The following ODR4 variants were observed in gnomAD, a reference collection of about 807,000 sequenced individuals.
ODR4 encodes the protein odr-4 GPCR localization factor homolog, also known as protein odr-4 homolog.
In ODR4, 47 loss-of-function variants were observed where a neutral mutation model predicts 60.2. That is an observed-to-expected ratio of 0.78 (90% CI 0.62 to 1.00). The LOEUF is 1.00. ODR4 is among the 50% of genes least tolerant of loss of function. The pLI is 0.00. For synonymous variants in ODR4, 178 were observed against 175.5 expected, an observed-to-expected ratio of 1.01 and a Z score of -0.11; for missense variants, 488 against 530.8, an observed-to-expected ratio of 0.92 and a Z score of 0.79.
intron 12 of ODR4, among the ~76,000 whole-genome samples, chr1:186,414,767 G>T (rs1462775359): frequency 2.0e-5 from 3 of 152,004 alleles, no homozygotes; most frequent in Non-Finnish European, 2.9e-5. Context: ...TGACCTGCCC[G>T]CCTCGGCCTC....
At chr1:186,392,789 G>C (rs1165715016) in intron 8 of ODR4, among the ~76,000 whole-genome samples, 1 of 152,152 alleles carries the variant, frequency 6.6e-6, no homozygotes, top group Non-Finnish European at 1.5e-5. Context: ...GATCACTTGA[G>C]GTCAGGAGTT....
intron 2 of ODR4, among the ~76,000 whole-genome samples, chr1:186,381,183 AG>A (rs1441346397): frequency 2.0e-5 from 3 of 152,240 alleles, no homozygotes; most frequent in Admixed American, 6.5e-5. Context: ...AGAGAAGAAG[AG>A]TCTTAGAGAA....
rs1315532652 is a variant in ODR4 at position 186,420,685 on chromosome 1, T to C, written c.*1609T>C. On this transcript the variant is annotated 3_prime_UTR_variant, in exon 14 of 14. Coordinates refer to ENST00000287859, the MANE Select transcript of ODR4 (RefSeq NM_017847.6). ...CTGAAGAGACAAGTGAACTAAACTA[T>C]AAGCTGGATCTAAAGAAATTACCCA... The C allele has an allele frequency of 6.6e-6, 1 of 152,060 alleles. No individual in the cohort carries two copies. Among genetic ancestry groups the C allele is most frequent in the Non-Finnish European group, 1.5e-5 (1 of 68,018 alleles). 9.4% of individuals were successfully genotyped at this position (152,060 alleles called of 1,614,324 possible).
rs146996047 is a variant in ODR4, at chr1:186,389,544, C to A, written c.438-44C>A. 6,279 of 1,412,548 alleles carry A rather than the reference C, an allele frequency of 4.4e-3. 74 individuals are homozygous for A. Among genetic ancestry groups the A allele is most frequent in the South Asian group, 0.031 (2,496 of 79,488 alleles). 87.5% of individuals were successfully genotyped at this position (1,412,548 alleles called of 1,614,324 possible). A position where few individuals can be genotyped will look rare whatever the true frequency, so the allele number is the denominator to read the frequency against. ...TTGATAGTTTATATTCTTTTAGTTACCAATAATGCCTTTTTTGGTTATTTC... is the reference window on the plus strand; with the variant it reads ...TTGATAGTTTATATTCTTTTAGTTAACAATAATGCCTTTTTTGGTTATTTC... On this transcript the variant is annotated intron_variant, in intron 5 of 13. Transcript: ENST00000287859.
chr1:186,397,904 CTTTGTA>C (rs1270191995), intron 9 of ODR4, among the ~76,000 whole-genome samples: 2 of 152,134 alleles, frequency 1.3e-5, no homozygotes, highest in African/African-American at 2.4e-5. Context: ...TCACATCCCA[CTTTGTA>C]TTTGTTATTG....
Position 186,393,954 on chromosome 1 carries a change from C to G in ODR4, c.719C>G (p.Ser240Cys), listed in dbSNP as rs776757369. ...ACTTTTGTGTTTTTTCAGAAAAAATCTTCTAGAGGAAATACTCAAGCAACT... is the reference window on the plus strand; with the variant it reads ...ACTTTTGTGTTTTTTCAGAAAAAATGTTCTAGAGGAAATACTCAAGCAACT... The part of the protein sequence containing the change: ...DCDLLEGQKK[S>C]SRGNTQATSH... Residue 240 changes from serine (S) to cysteine (C), a missense_variant, in exon 9 of 14, where the codon TCT (serine) becomes TGT (cysteine). Physicochemically the swap from Ser to Cys is moderately radical, Grantham distance 112. Transcript: ENST00000287859. The G allele has an allele frequency of 6.6e-6, 10 of 1,504,212 alleles. No individual in the cohort carries two copies. The highest frequency in any genetic ancestry group is 1.4e-5 in the African/African-American group (1 of 72,142). The allele number at this position is 1,504,212 out of a possible 1,614,324, so 93.2% of individuals were successfully genotyped here.
intron 11 of ODR4, 189 bp downstream of exon 11, chr1:186,399,233 C>G (rs1464113010): frequency 3.5e-6 from 2 of 577,974 alleles, no homozygotes; most frequent in African/African-American, 1.9e-5. Flanking sequence ...TAGACAGAGT[C>G]TCACTGTGTT....
At chr1:186,386,708 G>C (rs1660265625) in intron 4 of ODR4, among the ~76,000 whole-genome samples, 1 of 152,150 alleles carries the variant, frequency 6.6e-6, no homozygotes, top group Non-Finnish European at 1.5e-5. Flanking sequence ...TGCAATAGCA[G>C]TATTCTGTCA....
intron 12 of ODR4, among the ~76,000 whole-genome samples, chr1:186,412,188 A>G (rs1661404093): frequency 6.6e-6 from 1 of 152,198 alleles, no homozygotes; most frequent in African/African-American, 2.4e-5. Context: ...TTATTTCAAA[A>G]CAAGGTGGCC....
At chr1:186,396,596 A>G (rs1660686553) in intron 9 of ODR4, among the ~76,000 whole-genome samples, 1 of 152,074 alleles carries the variant, frequency 6.6e-6, no homozygotes, top group African/African-American at 2.4e-5. Flanking sequence ...ATGACAGAAC[A>G]AGACCCTGCC....
chr1:186,429,374 C>G, the ODR4 span, among the ~76,000 whole-genome samples: 8 of 152,140 alleles, frequency 5.3e-5, no homozygotes, highest in East Asian at 1.4e-3. Flanking sequence ...GGAAAAATTA[C>G]GATAGACTTG....
At chr1:186,418,421 G>A (rs1433503498) in intron 13 of ODR4, among the ~76,000 whole-genome samples, 1 of 151,692 alleles carries the variant, frequency 6.6e-6, no homozygotes, top group African/African-American at 2.4e-5. Flanking sequence ...CTCCCGAGTA[G>A]CTGGGACTAC....
intron 11 of ODR4, among the ~76,000 whole-genome samples, chr1:186,402,226 C>CTTTCTTTCTTTCTTTCTTTCT (rs1553237006): frequency 6.7e-6 from 1 of 149,260 alleles, no homozygotes; most frequent in Non-Finnish European, 1.5e-5. Flanking sequence ...TTCTTTCTTT[C>CTTTCTTTCTTTCTTTCTTTCT]TTTCTTTCCT....
chr1:186,434,154 A>T, the ODR4 span, among the ~76,000 whole-genome samples: 2 of 152,002 alleles, frequency 1.3e-5, no homozygotes, highest in African/African-American at 4.8e-5. Flanking sequence ...AAGTAATATT[A>T]TGTATATAAG....
chr1:186,409,659 C>T (rs1661298613), intron 12 of ODR4, among the ~76,000 whole-genome samples: 1 of 152,216 alleles, frequency 6.6e-6, no homozygotes, highest in Admixed American at 6.5e-5. Context: ...GATTCTCCTG[C>T]CTCAGCCTCC....
chr1:186,404,405 G>A (rs1466663865), intron 11 of ODR4, among the ~76,000 whole-genome samples: 1 of 152,094 alleles, frequency 6.6e-6, no homozygotes, highest in Non-Finnish European at 1.5e-5. Flanking sequence ...TTTAACGTTT[G>A]ATTTTTTTAG....
intron 3 of ODR4, among the ~76,000 whole-genome samples, chr1:186,383,382 GTATT>G (rs1186794003): frequency 1.3e-5 from 2 of 152,028 alleles, no homozygotes; most frequent in African/African-American, 4.8e-5. Flanking sequence ...TCACTTACAA[GTATT>G]TATTGAATGA....
intron 1 of ODR4, among the ~76,000 whole-genome samples, chr1:186,376,242 G>C (rs1369703919): frequency 6.6e-6 from 1 of 152,106 alleles, no homozygotes; most frequent in Non-Finnish European, 1.5e-5. Flanking sequence ...TTTGAGTGTA[G>C]CCTATGTTTT....
Position 186,380,529 on chromosome 1 carries a change from G to A in ODR4, c.99+645G>A, listed in dbSNP as rs12027688. 1.1e-4 allele frequency among the ~76,000 whole-genome samples: 16 copies of A among 149,088 alleles called. No homozygotes were observed. In the East Asian group the frequency reaches 3.2e-3, roughly 29 times the overall value. On this transcript the variant is annotated intron_variant, in intron 2 of 13. Transcript: ENST00000287859. ...TGCCACTGATTTCTTATGAGTGAAG[G>A]AAGAACGTGTTAATCGGCAGGAGGG...
Sources: gnomAD v4.1 joint callset for allele counts (sites outside exome capture counted in the v4.1 genomes callset) on GRCh38, gnomAD v4.1.1 for gene constraint, MANE v1.5 for transcripts, NCBI Gene and HGNC (gene_info 2026-07-23, HGNC 2026-07-21) for gene names.